PCDHGA3: variants seen among roughly 807,000 people sequenced by gnomAD.
PCDHGA3 encodes the protein protocadherin gamma-A3.
PCDHGA3 carries 40 observed loss-of-function variants against 58.5 expected under a neutral mutation model. That is an observed-to-expected ratio of 0.68 (90% CI 0.53 to 0.89). The LOEUF is 0.89. PCDHGA3 is among the 40% of genes least tolerant of loss of function. The pLI is 0.00. For missense variants in PCDHGA3, 1,223 were observed against 1,195.9 expected (o/e 1.02, Z -0.33); for synonymous variants, 530 against 525.7 (o/e 1.01, Z -0.11).
intron 1 of PCDHGA3, chr5:141,370,166 G>T: frequency 2.2e-6 from 1 of 458,978 alleles, no homozygotes; most frequent in East Asian, 3.2e-5. Flanking sequence ...CTGCAGCAGA[G>T]GCGCCGGGTG....
chr5:141,437,030 A>G (rs1246601314), intron 1 of PCDHGA3, among the ~76,000 whole-genome samples: 1 of 152,248 alleles, frequency 6.6e-6, no homozygotes, highest in Non-Finnish European at 1.5e-5. Context: ...CAGAAAATGG[A>G]TCACCGAAAC....
Position 141,508,665 on chromosome 5 carries a change from C to T in PCDHGA3, c.2573-2282C>T, listed in dbSNP as rs181641281. ...CGTCAGGCCCTTCCTGTCATTCTGT[C>T]TCTGCCTCCCTTCTCCCTGCTTCTC... On this transcript the variant is annotated intron_variant, in intron 3 of 3. Coordinates refer to ENST00000253812, the MANE Select transcript of PCDHGA3 (RefSeq NM_018916.4). Among the ~76,000 whole-genome samples the T allele has an allele frequency of 3.7e-3, 564 of 152,254 alleles. 5 individuals carry two copies. Among genetic ancestry groups the T allele is most frequent in the Admixed American group, 0.011 (164 of 15,296 alleles).
chr5:141,355,747 C>A, intron 1 of PCDHGA3: 4 of 1,613,988 alleles, frequency 2.5e-6, no homozygotes, highest in Non-Finnish European at 3.4e-6. Context: ...CCTGGACGTG[C>A]AAAGTGGGGC....
intron 1 of PCDHGA3, chr5:141,352,736 T>A (rs1456095842): frequency 1.3e-6 from 2 of 1,493,896 alleles, no homozygotes; most frequent in Non-Finnish European, 1.8e-6. Flanking sequence ...AAGCCTGTAA[T>A]CCCAGCACTT....
At position 141,431,052 on chromosome 5, in the gene PCDHGA3, G is replaced by T. The variant is rs148326556; in HGVS notation, c.2425-63755G>T. 7.4e-6 allele frequency: 12 copies of T among 1,614,110 alleles called. No homozygotes were observed. The African/African-American group carries it at 1.6e-4, about 22-fold the overall frequency. On this transcript the variant is annotated intron_variant, in intron 1 of 3. Coordinates refer to ENST00000253812, the MANE Select transcript of PCDHGA3 (RefSeq NM_018916.4). The surrounding 1 kb of genome is among the most constrained non-coding windows in gnomAD (Gnocchi z 4.8). ...ATAGACCGGGAGGAGCTCTGTATGG[G>T]GGCCATCAAGTGTCAATTAAATCTA...
chr5:141,468,860 C>A (rs941902317), intron 1 of PCDHGA3, among the ~76,000 whole-genome samples: 16 of 151,980 alleles, frequency 1.1e-4, no homozygotes, highest in Admixed American at 4.6e-4. Context: ...AGCGAGACTC[C>A]ATCTCAAAAA....
intron 1 of PCDHGA3, among the ~76,000 whole-genome samples, chr5:141,465,368 A>C (rs940928815): frequency 1.3e-5 from 2 of 152,114 alleles, no homozygotes; most frequent in Admixed American, 6.6e-5. Flanking sequence ...TGCCCTTTAA[A>C]GTTGTAAGAT....
At position 141,369,113 on chromosome 5, in the gene PCDHGA3, T is replaced by G. The variant is rs192436354; in HGVS notation, c.2424+22656T>G. 6.1e-4 allele frequency among the ~76,000 whole-genome samples: 93 copies of G among 152,262 alleles called. 2 individuals are homozygous for G. Among genetic ancestry groups the G allele is most frequent in the African/African-American group, 2.2e-3 (90 of 41,546 alleles). ...TGGTTTGAAAATGGAATTAAAACTG[T>G]AAGACACCTGTCAGAAACATGGAAA... On this transcript the variant is annotated intron_variant, in intron 1 of 3. Coordinates refer to ENST00000253812, the MANE Select transcript of PCDHGA3 (RefSeq NM_018916.4).
chr5:141,437,591 G>T (rs1177672004), intron 1 of PCDHGA3, among the ~76,000 whole-genome samples: 5 of 152,170 alleles, frequency 3.3e-5, no homozygotes, highest in Non-Finnish European at 7.3e-5. Flanking sequence ...GAATTGGATA[G>T]TTCTGGTGTA....
At chr5:141,421,564 G>T (rs2096583836) in intron 1 of PCDHGA3, 2 of 1,613,864 alleles carry the variant, frequency 1.2e-6, no homozygotes, top group Admixed American at 3.3e-5. Flanking sequence ...TCTCGTGGAA[G>T]ACACCTTGAA....
intron 1 of PCDHGA3, chr5:141,374,478 G>C (rs781173070): frequency 6.2e-7 from 1 of 1,611,820 alleles, no homozygotes; most frequent in African/African-American, 1.3e-5. Flanking sequence ...AATACACCCC[G>C]ATTCTTAAAG....
chr5:141,393,892 C>A lies in PCDHGA3; in HGVS notation c.2424+47435C>A, dbSNP rs775134910. The A allele has an allele frequency of 1.2e-5, 19 of 1,613,856 alleles. No homozygotes were observed. Among genetic ancestry groups the A allele is most frequent in the Admixed American group, 6.7e-5 (4 of 60,000 alleles). ...TTGTTTAGCCCAGTGTTAGAAAATT[C>A]TCTTCCCGGGACAGTAATTGCCTTC... On this transcript the variant is annotated intron_variant, in intron 1 of 3. Transcript: ENST00000253812.
In PCDHGA3 at chr5:141,408,707, G is replaced by A. The variant is rs899200128; in HGVS notation, c.2424+62250G>A. On this transcript the variant is annotated intron_variant, in intron 1 of 3. Coordinates refer to ENST00000253812, the MANE Select transcript of PCDHGA3 (RefSeq NM_018916.4). ...TGATATAAACATAAACTCAATTAAAGATTATAAGATAAACTCTAATCCTTA... is the reference window on the plus strand; with the variant it reads ...TGATATAAACATAAACTCAATTAAAAATTATAAGATAAACTCTAATCCTTA... 1.9e-6 allele frequency: 3 copies of A among 1,612,764 alleles called. No homozygotes were observed. In the African/African-American group the frequency reaches 4.0e-5, roughly 22 times the overall value.
chr5:141,421,357 T>A lies in PCDHGA3; in HGVS notation c.2425-73450T>A, dbSNP rs761522510. ...GGTGCCAGAAGAGACCGAAAAGGGC[T>A]CCTTCGTGGGCAATATCTCCAAGGA... On this transcript the variant is annotated intron_variant, in intron 1 of 3. Coordinates refer to ENST00000253812, the MANE Select transcript of PCDHGA3 (RefSeq NM_018916.4). 4.3e-6 allele frequency: 7 copies of A among 1,613,976 alleles called. 1 individual carries two copies. The South Asian group carries it at 7.7e-5, about 18-fold the overall frequency.
intron 1 of PCDHGA3, among the ~76,000 whole-genome samples, chr5:141,435,286 A>G (rs1179151461): frequency 6.6e-6 from 1 of 152,194 alleles, no homozygotes; most frequent in Non-Finnish European, 1.5e-5. Context: ...CAGTATCCCA[A>G]GTCATTTCAT....
At chr5:141,473,750 G>C (rs777343462) in intron 1 of PCDHGA3, among the ~76,000 whole-genome samples, 1 of 152,192 alleles carries the variant, frequency 6.6e-6, no homozygotes, top group Non-Finnish European at 1.5e-5. Context: ...TGAGAACTTG[G>C]ATACTATGCA....
chr5:141,506,832 C>T (rs1398190563), intron 3 of PCDHGA3, among the ~76,000 whole-genome samples: 1 of 152,130 alleles, frequency 6.6e-6, no homozygotes, highest in African/African-American at 2.4e-5. Flanking sequence ...GAACTGATAG[C>T]CCTGCCCTCC....
At chr5:141,393,335 C>T (rs764386599) in intron 1 of PCDHGA3, 1 of 1,613,458 alleles carries the variant, frequency 6.2e-7, no homozygotes, top group South Asian at 1.1e-5. Flanking sequence ...AGCTCAGCCC[C>T]AATCACCACT....
chr5:141,422,790 C>G, intron 1 of PCDHGA3: 1 of 1,614,060 alleles, frequency 6.2e-7, no homozygotes, highest in South Asian at 1.1e-5. Context: ...TACAATCCTT[C>G]GACTATGAGC....
Sources: gnomAD v4.1 joint callset for allele counts (sites outside exome capture counted in the v4.1 genomes callset) on GRCh38, gnomAD v4.1.1 for gene constraint, Gnocchi (gnomAD v3.1) non-coding constraint, MANE v1.5 for transcripts, NCBI Gene and HGNC (gene_info 2026-07-23, HGNC 2026-07-21) for gene names.